Variants in SIN3B observed in about 807,000 individuals in gnomAD.
SIN3B encodes SIN3 transcription regulator family member B.
SIN3B carries 19 observed loss-of-function variants against 120.2 expected under a neutral mutation model. The observed-to-expected ratio is 0.16, with a 90% CI of 0.11 to 0.23. The LOEUF (loss-of-function observed/expected upper bound fraction) is 0.23, where lower values mean the gene tolerates loss of function less well. Ranked by LOEUF, SIN3B falls within the 10% of genes least tolerant of loss-of-function variation. The pLI, the probability that SIN3B is intolerant of heterozygous loss-of-function variation, is 1.00. For synonymous variants in SIN3B, 654 were observed against 653.2 expected, an observed-to-expected ratio of 1.00 and a Z score of -0.02; for missense variants, 1,073 against 1,573.0, an observed-to-expected ratio of 0.68 and a Z score of 5.38.
chr19:16,876,471 G>C lies in SIN3B; in HGVS notation c.2767-15G>C, dbSNP rs375743126. 1 of 1,609,964 alleles carries C rather than the reference G, an allele frequency of 6.2e-7. No homozygotes were observed. Among genetic ancestry groups the C allele is most frequent in the Admixed American group, 1.7e-5 (1 of 59,922 alleles). ...TGTGCCGGCAGTGGAGGCTGTCAGC[G>C]TTCCTGCTCCGCAGGTGATGTTCCT... is the stretch of plus-strand genomic sequence containing the variant. On this transcript the variant is annotated splice_polypyrimidine_tract_variant and intron_variant, in intron 15 of 18. Transcript: ENST00000248054. This position sits in a 1 kb window ranked among gnomAD's most constrained non-coding sequence, Gnocchi z 7.1.
At chr19:16,849,883 G>C (rs1195522286) in intron 5 of SIN3B, among the ~76,000 whole-genome samples, 1 of 151,584 alleles carries the variant, frequency 6.6e-6, no homozygotes, top group African/African-American at 2.4e-5. Context: ...TTGAACCCAG[G>C]AGACGGAGGT....
rs1971488989 is a variant in SIN3B, at chr19:16,847,116, G to A, written c.726+3G>A. ...TGCCCGAAGCCAAGCGGTCTCTGGTGAGTGCCGAGAGCCCCTGCCCAGCCT... is the reference window on the plus strand; with the variant it reads ...TGCCCGAAGCCAAGCGGTCTCTGGTAAGTGCCGAGAGCCCCTGCCCAGCCT... On this transcript the variant is annotated splice_donor_region_variant and intron_variant, in intron 5 of 18. Coordinates refer to ENST00000248054, the MANE Select transcript of SIN3B (RefSeq NM_001297595.2). The A allele has an allele frequency of 1.2e-6, 2 of 1,607,170 alleles. No homozygotes were observed. Among genetic ancestry groups the A allele is most frequent in the Non-Finnish European group, 1.7e-6 (2 of 1,174,452 alleles).
At chr19:16,872,820 G>A (rs1031704003) in intron 14 of SIN3B, among the ~76,000 whole-genome samples, 2 of 152,172 alleles carry the variant, frequency 1.3e-5, no homozygotes, top group African/African-American at 2.4e-5. Flanking sequence ...GCGCCCAGCC[G>A]CATCCTGGGA....
intron 12 of SIN3B, among the ~76,000 whole-genome samples, chr19:16,868,810 G>A (rs1384867800): frequency 6.6e-6 from 1 of 152,154 alleles, no homozygotes; most frequent in Admixed American, 6.5e-5. Flanking sequence ...GAGCTGGTGG[G>A]AGGGCTGGTG....
chr19:16,862,693 C>T lies in SIN3B; in HGVS notation c.1266+134C>T. 1 of 1,130,372 alleles carries T rather than the reference C, an allele frequency of 8.8e-7. No individual in the cohort carries two copies. The highest frequency in any genetic ancestry group is 1.3e-6 in the Non-Finnish European group (1 of 764,144). The allele number at this position is 1,130,372 out of a possible 1,614,324, so 70.0% of individuals were successfully genotyped here. On this transcript the variant is annotated intron_variant, in intron 9 of 18. Transcript: ENST00000248054. This position sits in a 1 kb window ranked among gnomAD's most constrained non-coding sequence, Gnocchi z 4.7. ...CCTGAATGTTGGGTTATGGGTGGTG[C>T]TGGGATGTGGCCCGGCAAAACCACC... is the stretch of plus-strand genomic sequence containing the variant.
chr19:16,863,635 T>A, intron 9 of SIN3B, 45 bp from the exon 10 acceptor site: 2 of 1,270,086 alleles, frequency 1.6e-6, no homozygotes, highest in Non-Finnish European at 2.3e-6. Flanking sequence ...AAATCTTGGC[T>A]CCTGGGGCAT....
intron 10 of SIN3B, chr19:16,865,189 G>A (rs1971747820): frequency 5.6e-6 from 3 of 538,278 alleles, no homozygotes. Context: ...AGCTACGTGG[G>A]AGGCTAAGGT....
intron 4 of SIN3B, among the ~76,000 whole-genome samples, chr19:16,843,283 TAA>T (rs1971441171): frequency 6.6e-6 from 1 of 152,170 alleles, no homozygotes; most frequent in Non-Finnish European, 1.5e-5. Context: ...ACCCATTTTT[TAA>T]AATGAAATCC....
intron 2 of SIN3B, 69 bp downstream of exon 2, chr19:16,829,966 C>T: frequency 4.9e-6 from 5 of 1,020,112 alleles, no homozygotes; most frequent in Non-Finnish European, 6.2e-6. Context: ...CGGGGTGAGA[C>T]CTCCCCTCTC....
rs1971756862 is a variant in SIN3B, at chr19:16,865,514, G to A, written c.1488G>A (p.Leu496=). 1 of 1,613,594 alleles carries A rather than the reference G, an allele frequency of 6.2e-7. No individual in the cohort carries two copies. Among genetic ancestry groups the A allele is most frequent in the Admixed American group, 1.7e-5 (1 of 59,980 alleles). Residue 496 remains leucine, a synonymous_variant, in exon 11 of 19, where the codon CTG becomes CTA. Coordinates refer to ENST00000248054, the MANE Select transcript of SIN3B (RefSeq NM_001297595.2). The part of the protein sequence containing the change: ...MAPEDQEKFR[L]DDSLGGTSEV... ...CGGAAGACCAGGAGAAGTTCCGGCT[G>A]GACGACTCCCTGGGAGGCACGTCGG...
At chr19:16,871,431 G>A in intron 14 of SIN3B, 33 bp downstream of exon 14, 1 of 1,566,758 alleles carries the variant, frequency 6.4e-7, no homozygotes, top group Non-Finnish European at 8.7e-7. Flanking sequence ...CGGCCCTGAG[G>A]ACGGCGGAAA....
chr19:16,866,550 C>T lies in SIN3B; in HGVS notation c.1800C>T (p.Tyr600=), dbSNP rs144890137. The change falls in exon 12 of 19, where the codon TAC becomes TAT. Residue 600 remains tyrosine, a synonymous_variant. Coordinates refer to ENST00000248054, the MANE Select transcript of SIN3B (RefSeq NM_001297595.2). The part of the protein sequence containing the change: ...KSLLNEIESV[Y]DEHQEQHSEG... ...TGCTCAACGAGATCGAGAGCGTCTA[C>T]GACGAGGTAAAGCCTTCCCTAGCCC... 6.2e-5 allele frequency: 100 copies of T among 1,613,492 alleles called. No homozygotes were observed. Among genetic ancestry groups the T allele is most frequent in the Non-Finnish European group, 8.0e-5 (94 of 1,179,960 alleles).
chr19:16,878,094 TG>T (rs2051634276), intron 17 of SIN3B, 88 bp from the exon 18 acceptor site: 15 of 1,121,540 alleles, frequency 1.3e-5, no homozygotes, highest in Non-Finnish European at 1.7e-5. Context: ...CATCTTCTGA[TG>T]GTCCCAGGCC....
chr19:16,853,302 G>A, intron 7 of SIN3B, 144 bp downstream of exon 7: 1 of 696,572 alleles, frequency 1.4e-6, no homozygotes, highest in Non-Finnish European at 2.4e-6. Flanking sequence ...CTGGCCCCCA[G>A]CTTTCACTGC....
chr19:16,869,433 A>C, intron 12 of SIN3B, 27 bp from the exon 13 acceptor site: 2 of 1,579,768 alleles, frequency 1.3e-6, no homozygotes, highest in Non-Finnish European at 1.7e-6. Context: ...GTGGCTTTCC[A>C]CCTAATGGCC....
At chr19:16,875,822 T>C in intron 14 of SIN3B, 1 of 576,438 alleles carries the variant, frequency 1.7e-6, no homozygotes, top group Non-Finnish European at 3.1e-6. Flanking sequence ...TCTGGTCTGG[T>C]CTGTTTGGTT....
intron 1 of SIN3B, 121 bp downstream of exon 1, chr19:16,829,661 G>GACCCCTC: frequency 9.0e-7 from 1 of 1,106,114 alleles, no homozygotes; most frequent in Non-Finnish European, 1.2e-6. Flanking sequence ...CACTGCCCCG[G>GACCCCTC]ACCCCTCACC....
In SIN3B at chr19:16,831,480, G is replaced by C. The variant is rs1014255017; in HGVS notation, c.228-14G>C. ...TCCCAAGACCCTTTTGCCCACTTCC[G>C]TTGTTTCTTCTAGCATCGATACTCC... On this transcript the variant is annotated splice_polypyrimidine_tract_variant and intron_variant, in intron 2 of 18. Transcript: ENST00000248054. The C allele has an allele frequency of 6.2e-7, 1 of 1,611,124 alleles. No homozygotes were observed. The highest frequency in any genetic ancestry group is 2.2e-5 in the East Asian group (1 of 44,724).
At chr19:16,845,875 C>A (rs1035255680) in intron 4 of SIN3B, among the ~76,000 whole-genome samples, 4 of 152,202 alleles carry the variant, frequency 2.6e-5, no homozygotes, top group African/African-American at 9.6e-5. Context: ...GAGTGTGTCA[C>A]CATGCCTACA....
Sources: allele counts gnomAD v4.1 joint callset (sites outside exome capture counted in the v4.1 genomes callset), GRCh38; gene constraint gnomAD v4.1.1; non-coding constraint Gnocchi (gnomAD v3.1); transcripts MANE v1.5; gene names NCBI Gene and HGNC (gene_info 2026-07-23, HGNC 2026-07-21).